The following TP63 variants were observed in gnomAD, a reference collection of about 807,000 sequenced individuals.
TP63 encodes the protein tumor protein 63.
TP63 carries 17 observed loss-of-function variants against 82.8 expected under a neutral mutation model. That is an observed-to-expected ratio of 0.21 (90% confidence interval 0.14 to 0.31). TP63 has a LOEUF of 0.31. Among genes scored for constraint, TP63 ranks in the 10% least tolerant of loss-of-function variants. TP63 has a pLI of 1.00. For missense variants in TP63, 648 were observed against 895.3 expected (o/e 0.72, Z 3.52); for synonymous variants, 330 against 321.7 (o/e 1.03, Z -0.28).
chr3:189,738,997 G>T, intron 3 of TP63: 1 of 612,554 alleles, frequency 1.6e-6, no homozygotes, highest in Non-Finnish European at 2.8e-6. Context: ...TGTGGGGAGG[G>T]AGATTCTTTA....
At chr3:189,831,105 C>G (rs1313734094) in intron 4 of TP63, among the ~76,000 whole-genome samples, 2 of 152,204 alleles carry the variant, frequency 1.3e-5, no homozygotes, top group African/African-American at 4.8e-5. Context: ...ATGCTGCCAA[C>G]TTCCCCTCAA....
chr3:189,597,796 C>T, the TP63 span, among the ~76,000 whole-genome samples: 4 of 151,978 alleles, frequency 2.6e-5, no homozygotes, highest in Admixed American at 6.5e-5. Flanking sequence ...GATGGGGTGG[C>T]TCACACTTGT....
chr3:189,718,690 C>T (rs1345088359), intron 1 of TP63, among the ~76,000 whole-genome samples: 1 of 151,634 alleles, frequency 6.6e-6, no homozygotes, highest in Non-Finnish European at 1.5e-5. Flanking sequence ...TTCAATGTTT[C>T]AATTGTTAAA....
intron 1 of TP63, among the ~76,000 whole-genome samples, chr3:189,736,813 T>C (rs2108794104): frequency 6.6e-6 from 1 of 152,206 alleles, no homozygotes; most frequent in East Asian, 1.9e-4. Flanking sequence ...CCTCATACAG[T>C]ATTTTTCTAA....
chr3:189,771,315 A>G (rs908585135), intron 3 of TP63, among the ~76,000 whole-genome samples: 1 of 138,190 alleles, frequency 7.2e-6, no homozygotes, highest in Non-Finnish European at 1.5e-5. Flanking sequence ...TATATAATAT[A>G]TTATATATTT....
chr3:189,690,954 C>G (rs1716865583), intron 1 of TP63, among the ~76,000 whole-genome samples: 1 of 152,152 alleles, frequency 6.6e-6, no homozygotes, highest in Non-Finnish European at 1.5e-5. Context: ...CTCTCAGGAA[C>G]TGCTCCACCA....
chr3:189,603,519 C>T, the TP63 span, among the ~76,000 whole-genome samples: 2 of 151,742 alleles, frequency 1.3e-5, no homozygotes, highest in Non-Finnish European at 2.9e-5. Context: ...TGTTTTATCA[C>T]AGGAGTTGAG....
chr3:189,842,123 C>T (rs992622422), intron 4 of TP63, among the ~76,000 whole-genome samples: 8 of 152,060 alleles, frequency 5.3e-5, no homozygotes, highest in African/African-American at 1.9e-4. Context: ...GTTTTCTCTA[C>T]CTTAAGGGAA....
At chr3:189,874,454 TAGACGGC>T in intron 10 of TP63, among the ~76,000 whole-genome samples, 1 of 152,076 alleles carries the variant, frequency 6.6e-6, no homozygotes, top group Non-Finnish European at 1.5e-5. Context: ...CAGAGTGGAG[TAGACGGC>T]AGGGAGAAAA....
chr3:189,745,003 C>T (rs1287567242), intron 3 of TP63, among the ~76,000 whole-genome samples: 2 of 152,208 alleles, frequency 1.3e-5, no homozygotes, highest in Admixed American at 6.5e-5. Context: ...ATAGACACCG[C>T]TGATGCTGTT....
chr3:189,649,041 G>T (rs1237241728), intron 1 of TP63, among the ~76,000 whole-genome samples: 1 of 146,820 alleles, frequency 6.8e-6, no homozygotes, highest in Non-Finnish European at 1.5e-5. Flanking sequence ...CACCATCTAT[G>T]GGCTAAGCCT....
chr3:189,615,471 C>T, the TP63 span, among the ~76,000 whole-genome samples: 7 of 152,224 alleles, frequency 4.6e-5, no homozygotes. Context: ...GCACGCATCA[C>T]ATTAACATAA....
At chr3:189,709,699 C>T (rs1212686330) in intron 1 of TP63, among the ~76,000 whole-genome samples, 1 of 151,990 alleles carries the variant, frequency 6.6e-6, no homozygotes. Context: ...TTATGCTGTC[C>T]TCAATAAATG....
At chr3:189,637,531 G>A (rs892336000) in intron 1 of TP63, among the ~76,000 whole-genome samples, 4 of 152,134 alleles carry the variant, frequency 2.6e-5, no homozygotes, top group African/African-American at 9.7e-5. Flanking sequence ...GTGGTTAAGT[G>A]TATTGTCAAA....
intron 4 of TP63, among the ~76,000 whole-genome samples, chr3:189,852,844 T>C (rs1426133380): frequency 6.6e-6 from 1 of 152,084 alleles, no homozygotes; most frequent in African/African-American, 2.4e-5. Context: ...GCTCGGCTAC[T>C]CCTCCTCCTT....
upstream of TP63, among the ~76,000 whole-genome samples, chr3:189,627,730 G>T (rs34429293): frequency 0.12 from 17,914 of 151,988 alleles, 1,439 homozygotes; most frequent in East Asian, 0.4. Flanking sequence ...CTAAGGCCAG[G>T]GGTGAGGGGA....
At chr3:189,814,949 A>G (rs571141406) in intron 4 of TP63, among the ~76,000 whole-genome samples, 7 of 152,340 alleles carry the variant, frequency 4.6e-5, no homozygotes, top group East Asian at 1.9e-4. Flanking sequence ...TATAAAAACT[A>G]TTGATTTTAA....
At chr3:189,744,907 A>G (rs925103786) in intron 3 of TP63, among the ~76,000 whole-genome samples, 1 of 152,186 alleles carries the variant, frequency 6.6e-6, no homozygotes, top group African/African-American at 2.4e-5. Context: ...GCAGGAGTCC[A>G]AAGGCTGGCC....
At chr3:189,700,130 C>CA (rs1717689902) in intron 1 of TP63, among the ~76,000 whole-genome samples, 1 of 152,110 alleles carries the variant, frequency 6.6e-6, no homozygotes. Flanking sequence ...GGTGGATCAA[C>CA]AGGTTGTGCA....
Sources: allele counts gnomAD v4.1 joint callset (sites outside exome capture counted in the v4.1 genomes callset), GRCh38; gene constraint gnomAD v4.1.1; transcripts MANE v1.5; gene names NCBI Gene and HGNC (gene_info 2026-07-23, HGNC 2026-07-21).